Variants in NEDD1 observed in about 807,000 individuals in gnomAD.
NEDD1 encodes the protein NEDD1 gamma-tubulin ring complex targeting factor, also known as protein NEDD1.
NEDD1 carries 33 observed loss-of-function variants against 74.0 expected under a neutral mutation model. The ratio of observed to expected loss-of-function variants is 0.45; its 90% CI spans 0.34 to 0.60. The LOEUF (loss-of-function observed/expected upper bound fraction) is 0.60. Ranked by LOEUF, NEDD1 falls within the 20% of genes least tolerant of loss-of-function variation. The pLI is 0.01. For synonymous variants in NEDD1, 250 were observed against 264.4 expected (o/e 0.95, Z 0.53); for missense variants, 746 against 776.5 (o/e 0.96, Z 0.47).
intron 6 of NEDD1, among the ~76,000 whole-genome samples, chr12:96,930,856 T>C (rs947179310): frequency 1.1e-4 from 16 of 152,122 alleles, no homozygotes; most frequent in Non-Finnish European, 2.2e-4. Flanking sequence ...ACACATGCAC[T>C]CACAGTATTG....
chr12:96,934,983 G>C lies in NEDD1; in HGVS notation c.497G>C (p.Arg166Pro), dbSNP rs756348400. 7.6e-6 allele frequency: 12 copies of C among 1,586,226 alleles called. No individual in the cohort carries two copies. Among genetic ancestry groups the C allele is most frequent in the Non-Finnish European group, 1.7e-6 (2 of 1,155,018 alleles). The change falls in exon 7 of 16, where the codon CGG becomes CCG. Residue 166 changes from arginine (R) to proline (P), a missense_variant. Coordinates refer to ENST00000266742, the MANE Select transcript of NEDD1 (RefSeq NM_152905.4). ...ATTCTTTCATTTTTATAGTCTGTTC[G>C]GCACTTGAAGTACTCCTTGTTTAAG... is the stretch of plus-strand genomic sequence containing the variant. ...PFGHGSNQSV[R>P]HLKYSLFKKS...
rs1222459969 is a variant in NEDD1 at position 96,912,822 on chromosome 12, G to A, written c.231+5G>A. 2.0e-6 allele frequency: 3 copies of A among 1,494,816 alleles called. No individual in the cohort carries two copies. Among genetic ancestry groups the A allele is most frequent in the Admixed American group, 1.9e-5 (1 of 53,352 alleles). 92.6% of individuals were successfully genotyped at this position (1,494,816 alleles called of 1,614,324 possible). A position where few individuals can be genotyped will look rare whatever the true frequency, so the allele number is the denominator to read the frequency against. On this transcript the variant is annotated splice_donor_5th_base_variant and intron_variant, in intron 4 of 15. Transcript: ENST00000266742. ...CTTTTAGAGCTTGCTGAAGGGGTAA[G>A]TGATTTTTTTTTTTTTTAAACTTTT...
chr12:96,943,416 G>A (rs1420848359), intron 11 of NEDD1, 144 bp from the exon 12 acceptor site: 5 of 607,270 alleles, frequency 8.2e-6, no homozygotes, highest in South Asian at 2.1e-5. Context: ...CATCAATTGC[G>A]GGGTGTATCT....
intron 4 of NEDD1, among the ~76,000 whole-genome samples, chr12:96,916,717 C>T (rs1057141944): frequency 1.4e-4 from 21 of 151,708 alleles, no homozygotes; most frequent in Non-Finnish European, 2.6e-4. Context: ...AATAAACATA[C>T]GTGTGCATGT....
At position 96,909,917 on chromosome 12, in the gene NEDD1, C is replaced by A. The variant is rs199799857; in HGVS notation, c.136+22C>A. 1,355 of 1,053,038 alleles carry A rather than the reference C, an allele frequency of 1.3e-3. 9 individuals carry two copies. In the South Asian group the frequency reaches 0.022, roughly 17 times the overall value. The allele number at this position is 1,053,038 out of a possible 1,614,324, so 65.2% of individuals were successfully genotyped here. ...AATAGTATCCTTTAAAAAAAAAAAACACACACACACACACACAAACCGCTT... is the reference window on the plus strand; with the variant it reads ...AATAGTATCCTTTAAAAAAAAAAAAAACACACACACACACACAAACCGCTT... On this transcript the variant is annotated intron_variant, in intron 3 of 15. Transcript: ENST00000266742.
chr12:96,930,613 G>C (rs1277501628), intron 6 of NEDD1, among the ~76,000 whole-genome samples: 1 of 152,104 alleles, frequency 6.6e-6, no homozygotes, highest in Non-Finnish European at 1.5e-5. Context: ...CAAACTCCCA[G>C]AAGGAAATTA....
At position 96,952,960 on chromosome 12, in the gene NEDD1, A is replaced by G. The variant is rs1565819395; in HGVS notation, c.*907A>G. On this transcript the variant is annotated 3_prime_UTR_variant, in exon 16 of 16. Transcript: ENST00000266742. ...CTTTAATTCTTTCTGTACTGTGTATAATATTTTTATATTATTGGCCTTACC... is the reference window on the plus strand; with the variant it reads ...CTTTAATTCTTTCTGTACTGTGTATGATATTTTTATATTATTGGCCTTACC... 1 of 151,520 alleles carries G rather than the reference A, an allele frequency of 6.6e-6. No individual in the cohort carries two copies. Among genetic ancestry groups the G allele is most frequent in the Non-Finnish European group, 1.5e-5 (1 of 67,618 alleles). 9.4% of individuals were successfully genotyped at this position (151,520 alleles called of 1,614,324 possible).
intron 10 of NEDD1, among the ~76,000 whole-genome samples, chr12:96,942,057 A>G (rs1226279819): frequency 1.3e-5 from 2 of 152,176 alleles, no homozygotes; most frequent in Non-Finnish European, 2.9e-5. Flanking sequence ...AATGAATATT[A>G]CAGGATTAAA....
intron 6 of NEDD1, among the ~76,000 whole-genome samples, chr12:96,929,756 G>C (rs1876174700): frequency 6.6e-6 from 1 of 151,646 alleles, no homozygotes; most frequent in Non-Finnish European, 1.5e-5. Context: ...TCAGTGTGGG[G>C]CTCTGACCTG....
chr12:96,908,192 T>C (rs1444335285), intron 2 of NEDD1, among the ~76,000 whole-genome samples: 1 of 152,194 alleles, frequency 6.6e-6, no homozygotes, highest in East Asian at 1.9e-4. Flanking sequence ...CAGGTGACTT[T>C]AATGGCTTTT....
chr12:96,950,204 A>G (rs1478427762), intron 14 of NEDD1, among the ~76,000 whole-genome samples: 1 of 152,026 alleles, frequency 6.6e-6, no homozygotes, highest in East Asian at 1.9e-4. Context: ...ACAATTAATC[A>G]GAGAACTAAA....
chr12:96,915,359 C>T (rs184161487), intron 4 of NEDD1, among the ~76,000 whole-genome samples: 27 of 152,182 alleles, frequency 1.8e-4, no homozygotes, highest in African/African-American at 6.3e-4. Context: ...AGTATTTGAA[C>T]GTGCAATGGG....
At chr12:96,919,145 G>T (rs1353288236) in intron 5 of NEDD1, among the ~76,000 whole-genome samples, 1 of 152,154 alleles carries the variant, frequency 6.6e-6, no homozygotes, top group African/African-American at 2.4e-5. Context: ...CTAATTTGAT[G>T]TTGGAAAACA....
At chr12:96,908,434 T>C (rs902672388) in intron 2 of NEDD1, among the ~76,000 whole-genome samples, 8 of 152,186 alleles carry the variant, frequency 5.3e-5, no homozygotes, top group African/African-American at 1.9e-4. Context: ...GTGGGAGGTA[T>C]AATTCTGTGC....
chr12:96,943,365 A>G (rs886771298), intron 11 of NEDD1, among the ~76,000 whole-genome samples, 195 bp from the exon 12 acceptor site: 8 of 152,136 alleles, frequency 5.3e-5, no homozygotes, highest in Admixed American at 5.2e-4. Context: ...GTAGATCGGG[A>G]AATAGTCACA....
chr12:96,939,618 A>G (rs1272285211), intron 9 of NEDD1, among the ~76,000 whole-genome samples: 18 of 152,174 alleles, frequency 1.2e-4, no homozygotes. Context: ...TCCTGATGGC[A>G]GACTTTAATC....
Position 96,909,848 on chromosome 12 carries a change from C to T in NEDD1, c.89C>T (p.Pro30Leu). The T allele has an allele frequency of 6.2e-7, 1 of 1,613,370 alleles. No homozygotes were observed. The highest frequency in any genetic ancestry group is 2.2e-5 in the East Asian group (1 of 44,856). Residue 30 changes from proline to leucine, a missense_variant, in exon 3 of 16, where the codon CCA becomes CTA. By Grantham distance (98) the Pro-to-Leu change is moderately conservative. Transcript: ENST00000266742. ...SSMTLVDKFN[P>L]HTSPHGISSI... ...ATGACATTGGTGGATAAATTCAACC[C>T]ACACACATCACCACATGGAATCAGC...
chr12:96,907,445 GGCGCGGCGGC>G lies in NEDD1; in HGVS notation c.-262+150_-261-145del. On this transcript the variant is annotated intron_variant, in intron 1 of 15. Coordinates refer to ENST00000266742, the MANE Select transcript of NEDD1 (RefSeq NM_152905.4). ...GCGCCCGGAGCGGTTGCTGGGCGGG[GGCGCGGCGGC>G]GCGCTGGGCTGGGAAGTGTCCGGGG... 5.2e-6 allele frequency: 3 copies of G among 575,080 alleles called. 1 individual carries two copies. In the African/African-American group the frequency reaches 6.0e-5, roughly 11 times the overall value. 35.6% of individuals were successfully genotyped at this position (575,080 alleles called of 1,614,324 possible).
intron 4 of NEDD1, among the ~76,000 whole-genome samples, chr12:96,917,134 T>C (rs1253063380): frequency 6.6e-6 from 1 of 152,186 alleles, no homozygotes; most frequent in African/African-American, 2.4e-5. Flanking sequence ...CTGGAAGACT[T>C]AGGGCAAGTA....
Sources: gnomAD v4.1 joint callset for allele counts (sites outside exome capture counted in the v4.1 genomes callset) on GRCh38, gnomAD v4.1.1 for gene constraint, MANE v1.5 for transcripts, NCBI Gene and HGNC (gene_info 2026-07-23, HGNC 2026-07-21) for gene names.